The following LGMN variants were observed in gnomAD, a reference collection of about 807,000 sequenced individuals.
The protein encoded by LGMN is asparaginyl endopeptidase.
Under a neutral mutation model 56.8 loss-of-function variants are expected in LGMN, and 36 were observed. The ratio of observed to expected loss-of-function variants is 0.63; its 90% CI spans 0.49 to 0.84. The LOEUF (loss-of-function observed/expected upper bound fraction) is 0.84. Ranked by LOEUF, LGMN falls within the 40% of genes least tolerant of loss-of-function variation. The pLI is 0.00. For synonymous variants in LGMN, 199 were observed against 210.1 expected (o/e 0.95, Z 0.46); for missense variants, 446 against 556.1 (o/e 0.80, Z 1.99).
intron 2 of LGMN, among the ~76,000 whole-genome samples, chr14:92,728,135 C>T (rs189838296): frequency 6.6e-6 from 1 of 152,156 alleles, no homozygotes; most frequent in Non-Finnish European, 1.5e-5. Flanking sequence ...TCTAGCCCAG[C>T]GGTCCACGAC....
chr14:92,716,106 AGAAGT>A lies in LGMN; in HGVS notation c.404+25_404+29del, dbSNP rs777938887. On this transcript the variant is annotated intron_variant, in intron 5 of 13. Transcript: ENST00000334869. ...TATACGGGGGTCCCAAGCCATTGAG[AGAAGT>A]GTAGTATCCGTAAACAGACATTACC... 93 of 1,457,890 alleles carry A rather than the reference AGAAGT, an allele frequency of 6.4e-5. 1 individual carries two copies. In the African/African-American group the frequency reaches 1.1e-3, roughly 17 times the overall value. The allele number at this position is 1,457,890 out of a possible 1,614,324, so 90.3% of individuals were successfully genotyped here. A position where few individuals can be genotyped will look rare whatever the true frequency, so the allele number is the denominator to read the frequency against.
chr14:92,746,963 G>A (rs947571162), intron 1 of LGMN, among the ~76,000 whole-genome samples: 4 of 150,844 alleles, frequency 2.7e-5, no homozygotes, highest in African/African-American at 9.8e-5. Context: ...GTGGACCTGG[G>A]AGGCGGAGCT....
Position 92,713,879 on chromosome 14 carries a change from C to T in LGMN, c.487G>A (p.Val163Ile). The T allele has an allele frequency of 6.2e-7, 1 of 1,611,110 alleles. No individual in the cohort carries two copies. The highest frequency in any genetic ancestry group is 8.5e-7 in the Non-Finnish European group (1 of 1,177,282). The change falls in exon 7 of 14, where the codon GTA becomes ATA. Residue 163 changes from valine (V) to isoleucine (I), a missense_variant. Val to Ile is a conservative substitution (Grantham distance 29). Coordinates refer to ENST00000334869, the MANE Select transcript of LGMN (RefSeq NM_005606.7). The part of the protein sequence containing the change: ...ILVFPNEDLH[V>I]KDLNETIHYM... Reference sequence around the variant, plus strand: ...TGGATGGTCTCATTCAGGTCCTTTACATGAAGCTGAAAGGTGAGAATATTG... The same window carrying T: ...TGGATGGTCTCATTCAGGTCCTTTATATGAAGCTGAAAGGTGAGAATATTG...
chr14:92,722,052 C>G (rs1890504511), intron 2 of LGMN, among the ~76,000 whole-genome samples: 1 of 152,016 alleles, frequency 6.6e-6, no homozygotes, highest in Non-Finnish European at 1.5e-5. Context: ...ATGCTGTTCA[C>G]AGTTAAATAG....
At chr14:92,722,771 A>C (rs888431485) in intron 2 of LGMN, among the ~76,000 whole-genome samples, 1 of 152,216 alleles carries the variant, frequency 6.6e-6, no homozygotes, top group African/African-American at 2.4e-5. Context: ...CTGAGCCAAA[A>C]ATAGGCAAAA....
At chr14:92,729,876 A>C (rs1201845128) in intron 2 of LGMN, among the ~76,000 whole-genome samples, 2 of 152,192 alleles carry the variant, frequency 1.3e-5, no homozygotes, top group Admixed American at 1.3e-4. Flanking sequence ...TAAGGCCATC[A>C]TCCTCTCTTA....
chr14:92,705,555 C>T (rs538467838), intron 12 of LGMN, among the ~76,000 whole-genome samples: 1 of 152,218 alleles, frequency 6.6e-6, no homozygotes, highest in South Asian at 2.1e-4. Context: ...GTCGAGCTAC[C>T]TTAACTCTGC....
Position 92,732,758 on chromosome 14 carries a change from C to G in LGMN, c.29G>C (p.Ser10Thr), listed in dbSNP as rs1245462138. The change falls in exon 2 of 14, where the codon AGT becomes ACT. Residue 10 changes from serine (S) to threonine (T), a missense_variant. Coordinates refer to ENST00000334869, the MANE Select transcript of LGMN (RefSeq NM_005606.7). MVWKVAVFL[S>T]VALGIGAVPI... is the part of the protein sequence containing the mutation. ...AACGGCACCAATGCCCAGGGCCACA[C>G]TGAGGAATACAGCTACTTTCCAAAC... is the stretch of plus-strand genomic sequence containing the variant. 1 of 1,614,148 alleles carries G rather than the reference C, an allele frequency of 6.2e-7. No homozygotes were observed. The highest frequency in any genetic ancestry group is 8.5e-7 in the Non-Finnish European group (1 of 1,180,024).
rs780256263 is a variant in LGMN at position 92,714,994 on chromosome 14, A to ATT, written c.405-545_405-544dup. Among the ~76,000 whole-genome samples the ATT allele has an allele frequency of 5.7e-3, 728 of 127,326 alleles. 11 individuals carry two copies. The highest frequency in any genetic ancestry group is 0.018 in the African/African-American group (576 of 32,442). 83.5% of individuals were successfully genotyped at this position (127,326 alleles called of 152,430 possible). ...CTCACAGATGTCCATCTCCATACTAATTTTTTTTTTTTTTTTTTTTTTGAG... is the reference window on the plus strand; with the variant it reads ...CTCACAGATGTCCATCTCCATACTAATTTTTTTTTTTTTTTTTTTTTTTTGAG... On this transcript the variant is annotated intron_variant, in intron 5 of 13. Transcript: ENST00000334869. This position sits in a 1 kb window ranked among gnomAD's most constrained non-coding sequence, Gnocchi z 5.1.
rs756259014 is a variant in LGMN at position 92,742,292 on chromosome 14, C to CTTTTTTTTTTTT, written c.-30+6185_-30+6196dup. 8.3e-5 allele frequency among the ~76,000 whole-genome samples: 7 copies of CTTTTTTTTTTTT among 84,014 alleles called. 1 individual carries two copies. Among genetic ancestry groups the CTTTTTTTTTTTT allele is most frequent in the East Asian group, 3.8e-4 (1 of 2,606 alleles). The allele number at this position is 84,014 out of a possible 152,430, so 55.1% of individuals were successfully genotyped here. A position where few individuals can be genotyped will look rare whatever the true frequency, so the allele number is the denominator to read the frequency against. On this transcript the variant is annotated intron_variant, in intron 1 of 13. Transcript: ENST00000334869. ...AAATGTCTTGCTGTTTTTTGTTTTG[C>CTTTTTTTTTTTT]TTTTTTTTTTTTTCTTTTTTTTTGA... is the stretch of plus-strand genomic sequence containing the variant.
chr14:92,708,358 A>C (rs1885751), intron 11 of LGMN, among the ~76,000 whole-genome samples: 76,066 of 151,582 alleles, frequency 0.5, 19,437 homozygotes, highest in Admixed American at 0.63. Context: ...CAGCACTTTC[A>C]GGGCCCAGGT....
intron 2 of LGMN, among the ~76,000 whole-genome samples, chr14:92,721,179 G>A (rs568876940): frequency 2.0e-5 from 3 of 152,174 alleles, no homozygotes; most frequent in Non-Finnish European, 2.9e-5. Context: ...TGCAAGCCAC[G>A]GCGCCTGGCC....
At chr14:92,732,623 A>G (rs1467824510) in intron 2 of LGMN, 26 bp downstream of exon 2, 1 of 1,605,546 alleles carries the variant, frequency 6.2e-7, no homozygotes, top group South Asian at 1.1e-5. Flanking sequence ...TGTCCTTAAC[A>G]AAAAAAAGAT....
chr14:92,725,729 C>T (rs1208781052), intron 2 of LGMN, among the ~76,000 whole-genome samples: 1 of 151,778 alleles, frequency 6.6e-6, no homozygotes, highest in Non-Finnish European at 1.5e-5. Flanking sequence ...GTGCATGCCA[C>T]CATGCCCGGC....
At chr14:92,719,673 A>C (rs2140235872) in intron 2 of LGMN, among the ~76,000 whole-genome samples, 1 of 152,316 alleles carries the variant, frequency 6.6e-6, no homozygotes, top group South Asian at 2.1e-4. Context: ...AATTGCTCTT[A>C]AGTTTTAAAA....
Position 92,704,068 on chromosome 14 carries a change from T to C in LGMN, c.*251A>G. The stretch of plus-strand genomic sequence containing the variant: ...CTAACAGGCAAAACAACAAACCTCC[T>C]AGAAAGCAAATATGACCCTTCTCAA... On this transcript the variant is annotated 3_prime_UTR_variant, in exon 14 of 14. Coordinates refer to ENST00000334869, the MANE Select transcript of LGMN (RefSeq NM_005606.7). 1.4e-6 allele frequency: 1 copy of C among 702,474 alleles called. No homozygotes were observed. The highest frequency in any genetic ancestry group is 2.6e-6 in the Non-Finnish European group (1 of 386,034). 43.5% of individuals were successfully genotyped at this position (702,474 alleles called of 1,614,324 possible).
chr14:92,709,932 CAG>C (rs976155927), intron 10 of LGMN, 60 bp from the exon 11 acceptor site: 24 of 1,396,208 alleles, frequency 1.7e-5, no homozygotes, highest in African/African-American at 2.9e-5. Flanking sequence ...GAGAGAAGGC[CAG>C]AGAGAGAGGG....
chr14:92,718,387 A>C (rs946573674), intron 3 of LGMN, among the ~76,000 whole-genome samples: 1 of 152,130 alleles, frequency 6.6e-6, no homozygotes, highest in Non-Finnish European at 1.5e-5. Flanking sequence ...CAGCCTGGCC[A>C]ACATGGTGAA....
chr14:92,735,332 G>A (rs1595561068), intron 1 of LGMN, among the ~76,000 whole-genome samples: 1 of 152,156 alleles, frequency 6.6e-6, no homozygotes, highest in Non-Finnish European at 1.5e-5. Context: ...TCAGCCTCCT[G>A]AGTAGCTGAG....
Sources: gnomAD v4.1 joint callset for allele counts (sites outside exome capture counted in the v4.1 genomes callset) on GRCh38, gnomAD v4.1.1 for gene constraint, Gnocchi (gnomAD v3.1) non-coding constraint, MANE v1.5 for transcripts, NCBI Gene and HGNC (gene_info 2026-07-23, HGNC 2026-07-21) for gene names.